METTL22: variants seen among roughly 807,000 people sequenced by gnomAD.
The protein encoded by METTL22 is methyltransferase 22, Kin17 lysine, also known as methyltransferase-like protein 22.
In METTL22, 51 loss-of-function variants were observed where a neutral mutation model predicts 48.4. That is an observed-to-expected ratio of 1.05 (90% CI 0.84 to 1.33). The LOEUF (loss-of-function observed/expected upper bound fraction) is 1.33, where lower values mean the gene tolerates loss of function less well. Ranked by LOEUF, METTL22 falls within the 40% of genes most tolerant of loss-of-function variation. The pLI is 0.00. For synonymous variants in METTL22, 255 were observed against 214.1 expected (o/e 1.19, Z -1.67); for missense variants, 678 against 526.9 (o/e 1.29, Z -2.81).
rs1303943809 is a variant in METTL22, at chr16:8,648,992, C to T, written c.*2849C>T. ...CATAATGGAGCAGCATTGCAGATCA[C>T]TACAGGGAATATTAATAATGAGTCT... On this transcript the variant is annotated 3_prime_UTR_variant, in exon 11 of 11. Coordinates refer to ENST00000381920, the MANE Select transcript of METTL22 (RefSeq NM_024109.4). The T allele has an allele frequency of 6.6e-6, 1 of 152,222 alleles. No homozygotes were observed. The highest frequency in any genetic ancestry group is 1.5e-5 in the Non-Finnish European group (1 of 68,056). The allele number at this position is 152,222 out of a possible 1,614,324, so 9.4% of individuals were successfully genotyped here. A position where few individuals can be genotyped will look rare whatever the true frequency, so the allele number is the denominator to read the frequency against.
downstream of METTL22, among the ~76,000 whole-genome samples, chr16:8,652,274 C>A (rs550618332): frequency 1.5e-4 from 22 of 150,622 alleles, no homozygotes; most frequent in Non-Finnish European, 2.5e-4. Flanking sequence ...GCCTGGCCAA[C>A]ATGGTGAAAC....
At chr16:8,632,905 G>C (rs1049216915) in intron 3 of METTL22, among the ~76,000 whole-genome samples, 1 of 152,196 alleles carries the variant, frequency 6.6e-6, no homozygotes, top group African/African-American at 2.4e-5. Context: ...ACGTCCACGA[G>C]ACCCCTGGAA....
At chr16:8,625,901 G>A in intron 2 of METTL22, 103 bp downstream of exon 2, 2 of 1,422,566 alleles carry the variant, frequency 1.4e-6, no homozygotes, top group East Asian at 2.3e-5. Flanking sequence ...TTACGTAACT[G>A]TTATCCTCAG....
At chr16:8,638,470 A>C (rs1046271281) in intron 5 of METTL22, among the ~76,000 whole-genome samples, 3 of 152,158 alleles carry the variant, frequency 2.0e-5, no homozygotes, top group African/African-American at 7.2e-5. Context: ...AAATGATGAG[A>C]AATCCCACTT....
At chr16:8,633,635 G>T (rs2056332943) in intron 3 of METTL22, among the ~76,000 whole-genome samples, 2 of 152,152 alleles carry the variant, frequency 1.3e-5, no homozygotes, top group Admixed American at 1.3e-4. Flanking sequence ...AACTGCAGAT[G>T]ACCTGACTTG....
chr16:8,634,015 A>G (rs1015682396), intron 3 of METTL22, among the ~76,000 whole-genome samples: 2 of 152,268 alleles, frequency 1.3e-5, no homozygotes, highest in Non-Finnish European at 2.9e-5. Context: ...CCAGGTGACT[A>G]CGTGTTAGGA....
chr16:8,642,743 C>G, intron 9 of METTL22, 178 bp downstream of exon 9: 1 of 660,030 alleles, frequency 1.5e-6, no homozygotes. Flanking sequence ...AATCTGCATC[C>G]TAGCCCTGTG....
At chr16:8,626,106 C>T (rs1292053017) in intron 2 of METTL22, among the ~76,000 whole-genome samples, 1 of 152,164 alleles carries the variant, frequency 6.6e-6, no homozygotes, top group East Asian at 1.9e-4. Context: ...AAGTGATCTT[C>T]CTTCCCCTGC....
At chr16:8,622,290 G>A (rs1431575368) in intron 1 of METTL22, among the ~76,000 whole-genome samples, 1 of 152,112 alleles carries the variant, frequency 6.6e-6, no homozygotes, top group Non-Finnish European at 1.5e-5. Flanking sequence ...AAAGAAAGAT[G>A]AGGAGGGAAG....
At chr16:8,646,011 T>A (rs1567249046) in intron 10 of METTL22, 97 bp from the exon 11 acceptor site, 6 of 1,570,734 alleles carry the variant, frequency 3.8e-6, no homozygotes, top group African/African-American at 2.7e-5. Context: ...TGACGTGTTG[T>A]CTAACTACTC....
intron 7 of METTL22, 52 bp from the exon 8 acceptor site, chr16:8,642,075 G>A: frequency 7.1e-7 from 1 of 1,408,518 alleles, no homozygotes; most frequent in Non-Finnish European, 1.0e-6. Context: ...GTGAGAGTTG[G>A]TGGCCAGGAG....
chr16:8,626,367 G>A (rs1215612389), intron 2 of METTL22, among the ~76,000 whole-genome samples: 3 of 151,930 alleles, frequency 2.0e-5, no homozygotes, highest in South Asian at 2.1e-4. Flanking sequence ...ATGCAGATAC[G>A]AATGAGCCAA....
At chr16:8,633,225 C>G (rs368134754) in intron 3 of METTL22, among the ~76,000 whole-genome samples, 2 of 152,158 alleles carry the variant, frequency 1.3e-5, no homozygotes, top group Admixed American at 1.3e-4. Flanking sequence ...CCCTTTCATC[C>G]TGGGAGGCTC....
intron 1 of METTL22, among the ~76,000 whole-genome samples, chr16:8,624,542 C>A (rs368632748): frequency 6.6e-6 from 1 of 151,884 alleles, no homozygotes. Context: ...ACGACACCCG[C>A]CTAATTCCAC....
At chr16:8,629,310 C>T (rs568279233) in intron 3 of METTL22, among the ~76,000 whole-genome samples, 200 bp downstream of exon 3, 10 of 152,318 alleles carry the variant, frequency 6.6e-5, no homozygotes, top group Admixed American at 4.6e-4. Context: ...TCACCCTGTG[C>T]GCTTTCTTCT....
At position 8,646,287 on chromosome 16, in the gene METTL22, T is replaced by C. The variant is rs1258584317; in HGVS notation, c.*144T>C. ...GTACCTTAGATGACCCAAGATGGTT[T>C]TCTGGGGTCTGTCCCTGCCTCCCAG... On this transcript the variant is annotated 3_prime_UTR_variant, in exon 11 of 11. Coordinates refer to ENST00000381920, the MANE Select transcript of METTL22 (RefSeq NM_024109.4). 9.5e-7 allele frequency: 1 copy of C among 1,053,986 alleles called. No homozygotes were observed. Among genetic ancestry groups the C allele is most frequent in the Non-Finnish European group, 1.4e-6 (1 of 699,690 alleles). 65.3% of individuals were successfully genotyped at this position (1,053,986 alleles called of 1,614,324 possible).
chr16:8,626,446 C>CTTT (rs3057578), intron 2 of METTL22, among the ~76,000 whole-genome samples: 8 of 129,498 alleles, frequency 6.2e-5, no homozygotes, highest in African/African-American at 1.2e-4. Flanking sequence ...GTCCTCTGCT[C>CTTT]TTTTTTTTTT....
Position 8,625,585 on chromosome 16 carries a change from C to A in METTL22, c.-81C>A. On this transcript the variant is annotated 5_prime_UTR_variant, in exon 2 of 11. Coordinates refer to ENST00000381920, the MANE Select transcript of METTL22 (RefSeq NM_024109.4). ...ACCAGCTTGGACCTGTCTGCAGTAT[C>A]TCCTCTGGGACCTGCCATGCTGAGG... 1.4e-6 allele frequency: 2 copies of A among 1,464,742 alleles called. No homozygotes were observed. Among genetic ancestry groups the A allele is most frequent in the Non-Finnish European group, 9.3e-7 (1 of 1,071,234 alleles). 90.7% of individuals were successfully genotyped at this position (1,464,742 alleles called of 1,614,324 possible).
At chr16:8,656,071 T>A in the METTL22 span, among the ~76,000 whole-genome samples, 33,353 of 151,928 alleles carry the variant, frequency 0.22, 3,708 homozygotes, top group South Asian at 0.3. Context: ...ATGTGGCAGG[T>A]TTTTGTTGTT....
Sources: allele counts gnomAD v4.1 joint callset (sites outside exome capture counted in the v4.1 genomes callset), GRCh38; gene constraint gnomAD v4.1.1; transcripts MANE v1.5; gene names NCBI Gene and HGNC (gene_info 2026-07-23, HGNC 2026-07-21).